CILK1: variants seen among roughly 807,000 people sequenced by gnomAD.
The protein encoded by CILK1 is serine/threonine-protein kinase ICK.
Under a neutral mutation model 79.2 loss-of-function variants are expected in CILK1, and 47 were observed. That is an observed-to-expected ratio of 0.59 (90% CI 0.47 to 0.76). CILK1 has a LOEUF of 0.76. CILK1 is among the 30% of genes least tolerant of loss of function. CILK1 has a pLI of 0.00. For missense variants in CILK1, 660 were observed against 769.5 expected, an observed-to-expected ratio of 0.86 and a Z score of 1.68; for synonymous variants, 266 against 275.9, an observed-to-expected ratio of 0.96 and a Z score of 0.36.
chr6:53,050,421 T>TTG (rs538760776), intron 1 of CILK1, among the ~76,000 whole-genome samples: 3,793 of 150,896 alleles, frequency 0.025, 83 homozygotes, highest in Non-Finnish European at 0.032. Flanking sequence ...TTACTTGCAT[T>TTG]TGTGTGTGTG....
Position 53,041,242 on chromosome 6 carries a change from G to A in CILK1, c.-6C>T. On this transcript the variant is annotated 5_prime_UTR_variant, in exon 2 of 14. Transcript: ENST00000676107. ...ATTGTTGTGTATCTATTCATGGTGT[G>A]CCTGCTCAGGCCGGACACTCATCTC... 3.7e-6 allele frequency: 6 copies of A among 1,603,122 alleles called. No homozygotes were observed. The highest frequency in any genetic ancestry group is 3.3e-5 in the South Asian group (3 of 90,868).
In CILK1 at chr6:53,005,300, T is replaced by C; in HGVS notation, c.1748A>G (p.Tyr583Cys). 6.2e-7 allele frequency: 1 copy of C among 1,614,076 alleles called. No homozygotes were observed. The highest frequency in any genetic ancestry group is 8.5e-7 in the Non-Finnish European group (1 of 1,180,016). Residue 583 changes from tyrosine (Y) to cysteine (C), a missense_variant, in exon 14 of 14, where the codon TAT becomes TGT. Physicochemically the swap from Tyr to Cys is radical, Grantham distance 194. Transcript: ENST00000676107. ...AGGTCTCATGGCCTTCAGGGAGGAA[T>C]AACCTGCAATGAAAGAAAAAGGCCG... ...LAPIPDPSPGYSSLKAMRPHP... is the reference protein window; with the variant it reads ...LAPIPDPSPGCSSLKAMRPHP...
chr6:53,036,426 GTTTTT>G (rs892232574), intron 3 of CILK1, among the ~76,000 whole-genome samples: 2 of 151,890 alleles, frequency 1.3e-5, no homozygotes, highest in African/African-American at 4.8e-5. Context: ...TTTTGTTTTT[GTTTTT>G]TTAAGACTGA....
chr6:53,031,171 T>C, intron 4 of CILK1, 27 bp from the exon 5 acceptor site: 2 of 1,442,380 alleles, frequency 1.4e-6, no homozygotes. Context: ...AAAACAAAGT[T>C]ATAAATCAAA....
Position 53,031,616 on chromosome 6 carries a change from C to T in CILK1, c.279-472G>A, listed in dbSNP as rs149932924. ...GTTCACCTTTGAAGTTCAAAATTAC[C>T]GTCGCAGGTAAATTTCTTATTAGCC... is the stretch of plus-strand genomic sequence containing the variant. On this transcript the variant is annotated intron_variant, in intron 4 of 13. Coordinates refer to ENST00000676107, the MANE Select transcript of CILK1 (RefSeq NM_014920.5). 4.9e-4 allele frequency among the ~76,000 whole-genome samples: 74 copies of T among 152,260 alleles called. 1 individual carries two copies. The East Asian group carries it at 0.012, about 25-fold the overall frequency.
chr6:53,056,842 C>T (rs1767914404), intron 1 of CILK1, among the ~76,000 whole-genome samples: 1 of 152,166 alleles, frequency 6.6e-6, no homozygotes, highest in Admixed American at 6.5e-5. Context: ...CCACGTCCAC[C>T]CTCACTGTCA....
chr6:53,008,290 A>G (rs1434630293), intron 12 of CILK1, among the ~76,000 whole-genome samples: 2 of 152,046 alleles, frequency 1.3e-5, no homozygotes, highest in Admixed American at 1.3e-4. Context: ...TAAATTTTAA[A>G]ACCTGCAAAA....
intron 3 of CILK1, among the ~76,000 whole-genome samples, chr6:53,036,789 G>C (rs1206800566): frequency 6.6e-6 from 1 of 152,106 alleles, no homozygotes; most frequent in Non-Finnish European, 1.5e-5. Flanking sequence ...CACTAACTTT[G>C]AACTCCAATT....
chr6:53,052,407 G>T (rs1466537228), intron 1 of CILK1, among the ~76,000 whole-genome samples: 1 of 152,082 alleles, frequency 6.6e-6, no homozygotes, highest in African/African-American at 2.4e-5. Flanking sequence ...ATGGCACACT[G>T]GCACTCTGGG....
At chr6:53,051,469 C>T (rs1767478636) in intron 1 of CILK1, among the ~76,000 whole-genome samples, 1 of 152,170 alleles carries the variant, frequency 6.6e-6, no homozygotes, top group Non-Finnish European at 1.5e-5. Flanking sequence ...GGAATCCATT[C>T]TTTGTCTCTT....
chr6:53,016,104 C>T lies in CILK1; in HGVS notation c.810G>A (p.Lys270=). Residue 270 remains lysine, a synonymous_variant, in exon 8 of 14, where the codon AAG becomes AAA. Coordinates refer to ENST00000676107, the MANE Select transcript of CILK1 (RefSeq NM_014920.5). ...LLRDMLQWDP[K]KRPTASQALR... is the part of the protein sequence containing the mutation. ...AAACCTGACTAGCTGTTGGTCGTTT[C>T]TTGGGATCCCACTGAAGCATGTCTC... 1 of 1,614,082 alleles carries T rather than the reference C, an allele frequency of 6.2e-7. No individual in the cohort carries two copies. Among genetic ancestry groups the T allele is most frequent in the Non-Finnish European group, 8.5e-7 (1 of 1,179,948 alleles).
At chr6:53,030,794 C>A (rs1415972938) in intron 5 of CILK1, among the ~76,000 whole-genome samples, 1 of 152,190 alleles carries the variant, frequency 6.6e-6, no homozygotes, top group Non-Finnish European at 1.5e-5. Context: ...ATTTAACATA[C>A]TACTCAATGG....
intron 5 of CILK1, among the ~76,000 whole-genome samples, chr6:53,019,633 T>C (rs544883316): frequency 2.6e-5 from 4 of 152,298 alleles, no homozygotes; most frequent in East Asian, 3.9e-4. Context: ...AACTGGATTA[T>C]AGGCTGAGAT....
intron 1 of CILK1, among the ~76,000 whole-genome samples, chr6:53,058,843 A>G (rs1451422534): frequency 6.6e-6 from 1 of 152,148 alleles, no homozygotes; most frequent in East Asian, 1.9e-4. Flanking sequence ...GCAGACATCA[A>G]TAGAACGGCT....
intron 5 of CILK1, among the ~76,000 whole-genome samples, chr6:53,029,842 C>G (rs1004817100): frequency 6.6e-6 from 1 of 152,222 alleles, no homozygotes; most frequent in Non-Finnish European, 1.5e-5. Context: ...CATCCTTGGA[C>G]TGAGAGTAAA....
chr6:53,054,844 C>A (rs935167041), intron 1 of CILK1, among the ~76,000 whole-genome samples: 1 of 152,220 alleles, frequency 6.6e-6, no homozygotes, highest in Non-Finnish European at 1.5e-5. Flanking sequence ...CAGCGTCAAT[C>A]CTCGGTGGAG....
intron 7 of CILK1, 135 bp downstream of exon 7, chr6:53,018,195 G>A: frequency 2.4e-6 from 2 of 845,826 alleles, no homozygotes; most frequent in Non-Finnish European, 4.0e-6. Flanking sequence ...CGTGGGCAGT[G>A]GAGAATGACT....
rs375081762 is a variant in CILK1, at chr6:53,011,848, C to T, written c.1413G>A (p.Thr471=). 33 of 1,614,166 alleles carry T rather than the reference C, an allele frequency of 2.0e-5. No homozygotes were observed. In the East Asian group the frequency reaches 4.5e-4, roughly 22 times the overall value. Residue 471 remains threonine, a synonymous_variant, in exon 11 of 14, where the codon ACG becomes ACA. Transcript: ENST00000676107. ...TGGGCGTGTCTCGCCGCTGATATGA[C>T]GTCTGGGTGGGGGCACTGTTTCCTG... ...VGTGNSAPTQ[T]SYQRRDTPTL...
intron 3 of CILK1, among the ~76,000 whole-genome samples, chr6:53,034,892 T>A (rs148481930): frequency 7.2e-5 from 11 of 152,170 alleles, no homozygotes; most frequent in Non-Finnish European, 1.2e-4. Context: ...CTGGATGAGC[T>A]TGCTGGGAGG....
Sources: gnomAD v4.1 joint callset for allele counts (sites outside exome capture counted in the v4.1 genomes callset) on GRCh38, gnomAD v4.1.1 for gene constraint, MANE v1.5 for transcripts, NCBI Gene and HGNC (gene_info 2026-07-23, HGNC 2026-07-21) for gene names.